Variants in GRM7 observed in about 807,000 individuals in gnomAD.
The protein encoded by GRM7 is metabotropic glutamate receptor 7.
Under a neutral mutation model 84.5 loss-of-function variants are expected in GRM7, and 35 were observed. That is an observed-to-expected ratio of 0.41 (90% confidence interval 0.32 to 0.55). The LOEUF (loss-of-function observed/expected upper bound fraction) is 0.55, where lower values mean the gene tolerates loss of function less well. Ranked by LOEUF, GRM7 falls within the 20% of genes least tolerant of loss-of-function variation. GRM7 has a pLI of 0.19. For missense variants in GRM7, 1,003 were observed against 1,194.6 expected (o/e 0.84, Z 2.36); for synonymous variants, 487 against 455.1 (o/e 1.07, Z -0.89).
chr3:7,581,658 T>C (rs1279478496), intron 8 of GRM7, among the ~76,000 whole-genome samples: 1 of 152,164 alleles, frequency 6.6e-6, no homozygotes, highest in East Asian at 1.9e-4. Flanking sequence ...TTCATTTTTG[T>C]TTAGCTCTAA....
chr3:6,987,034 T>C (rs1016935633), intron 1 of GRM7, among the ~76,000 whole-genome samples: 4 of 152,246 alleles, frequency 2.6e-5, no homozygotes, highest in Non-Finnish European at 5.9e-5. Context: ...ACAGTAGTTC[T>C]ACCTACTGCT....
intron 1 of GRM7, among the ~76,000 whole-genome samples, chr3:7,046,104 T>A (rs567835752): frequency 6.6e-6 from 1 of 152,288 alleles, no homozygotes; most frequent in Non-Finnish European, 1.5e-5. Flanking sequence ...TTGGGTTGAC[T>A]TTCCCTGATA....
intron 8 of GRM7, among the ~76,000 whole-genome samples, chr3:7,669,833 A>G (rs1699849608): frequency 6.6e-6 from 1 of 152,244 alleles, no homozygotes. Context: ...CAGGATGGGC[A>G]TCATTTTCCT....
At chr3:7,183,430 C>T (rs1456582190) in intron 2 of GRM7, among the ~76,000 whole-genome samples, 1 of 151,994 alleles carries the variant, frequency 6.6e-6, no homozygotes, top group Admixed American at 6.6e-5. Flanking sequence ...AGTTCAAGAC[C>T]AGCCGGGCTA....
At chr3:7,470,339 A>G (rs1157370016) in intron 7 of GRM7, among the ~76,000 whole-genome samples, 2 of 152,244 alleles carry the variant, frequency 1.3e-5, no homozygotes, top group East Asian at 3.8e-4. Flanking sequence ...TACTTTCTTA[A>G]AAGGGTTGAT....
At chr3:7,246,908 C>G (rs1472848361) in intron 2 of GRM7, among the ~76,000 whole-genome samples, 2 of 152,028 alleles carry the variant, frequency 1.3e-5, no homozygotes, top group African/African-American at 4.8e-5. Flanking sequence ...TACTAGATTT[C>G]AAAACTTAAC....
chr3:7,258,527 C>A (rs1036861560), intron 2 of GRM7, among the ~76,000 whole-genome samples: 5 of 152,170 alleles, frequency 3.3e-5, no homozygotes, highest in Admixed American at 3.3e-4. Context: ...TAGCCACAGA[C>A]AAATGGTTTC....
intron 1 of GRM7, among the ~76,000 whole-genome samples, chr3:6,970,838 C>T (rs926502536): frequency 1.3e-5 from 2 of 151,986 alleles, no homozygotes; most frequent in South Asian, 2.1e-4. Context: ...AAAAATTAGC[C>T]GGGCGTGGTG....
At chr3:7,603,056 A>G (rs1055355622) in intron 8 of GRM7, among the ~76,000 whole-genome samples, 1 of 152,262 alleles carries the variant, frequency 6.6e-6, no homozygotes, top group South Asian at 2.1e-4. Flanking sequence ...TTTCCTACAA[A>G]TATGTAATGT....
intron 8 of GRM7, among the ~76,000 whole-genome samples, chr3:7,641,411 A>C (rs999801860): frequency 6.6e-6 from 1 of 152,212 alleles, no homozygotes; most frequent in Non-Finnish European, 1.5e-5. Flanking sequence ...ACAGGTGAAG[A>C]ATAAAACCAT....
intron 1 of GRM7, among the ~76,000 whole-genome samples, chr3:6,914,697 G>A (rs975946887): frequency 2.6e-5 from 4 of 151,952 alleles, no homozygotes; most frequent in African/African-American, 4.8e-5. Flanking sequence ...CACCGTGCCC[G>A]GCCCTATTTT....
At chr3:7,403,271 A>G (rs1195582410) in intron 4 of GRM7, 2 of 221,144 alleles carry the variant, frequency 9.0e-6, no homozygotes, top group East Asian at 1.4e-4. Context: ...TTATATACAC[A>G]TGAAAGTGAT....
intron 4 of GRM7, among the ~76,000 whole-genome samples, chr3:7,330,463 G>A (rs1014126204): frequency 2.0e-5 from 3 of 151,948 alleles, no homozygotes; most frequent in Non-Finnish European, 4.4e-5. Context: ...AATGTGGTTC[G>A]GCTCTGTTCC....
intron 1 of GRM7, among the ~76,000 whole-genome samples, chr3:7,140,691 A>G (rs772270726): frequency 3.9e-5 from 6 of 152,066 alleles, no homozygotes; most frequent in Non-Finnish European, 8.8e-5. Context: ...GTTATTGTTC[A>G]TAGAATAGCT....
rs187291418 is a variant in GRM7 at position 7,299,342 on chromosome 3, G to A, written c.878+517G>A. ...TTTTTCCTGGTTCCTTGTATTGTTG[G>A]CCAAGCCACATAGAAACAAGCTTTG... is the stretch of plus-strand genomic sequence containing the variant. On this transcript the variant is annotated intron_variant, in intron 3 of 9. Coordinates refer to ENST00000357716, the MANE Select transcript of GRM7 (RefSeq NM_000844.4). Among the ~76,000 whole-genome samples, 357 of 152,144 alleles carry A rather than the reference G, an allele frequency of 2.3e-3. 2 individuals carry two copies. The highest frequency in any genetic ancestry group is 8.3e-3 in the African/African-American group (343 of 41,526).
At chr3:6,971,776 A>G (rs1154352) in intron 1 of GRM7, among the ~76,000 whole-genome samples, 99,303 of 151,968 alleles carry the variant, frequency 0.65, 32,857 homozygotes, top group South Asian at 0.9. Context: ...GTGGGTTAAG[A>G]AATTCCTTAT....
intron 1 of GRM7, among the ~76,000 whole-genome samples, chr3:6,965,409 C>G (rs1336677545): frequency 1.6e-4 from 24 of 152,070 alleles, no homozygotes; most frequent in Non-Finnish European, 8.8e-5. Context: ...CCTCAACCTC[C>G]CAGGCTCAAG....
chr3:7,372,562 A>G (rs1307552336), intron 4 of GRM7, among the ~76,000 whole-genome samples: 1 of 152,168 alleles, frequency 6.6e-6, no homozygotes, highest in Non-Finnish European at 1.5e-5. Flanking sequence ...ACCACAGTTT[A>G]GACACTGTGA....
At chr3:7,608,002 C>T (rs1218301444) in intron 8 of GRM7, 3 of 306,946 alleles carry the variant, frequency 9.8e-6, no homozygotes, top group Non-Finnish European at 2.0e-5. Flanking sequence ...TCTGTTTCAG[C>T]ATCAGTTTGC....
Sources: gnomAD v4.1 joint callset for allele counts (sites outside exome capture counted in the v4.1 genomes callset) on GRCh38, gnomAD v4.1.1 for gene constraint, MANE v1.5 for transcripts, NCBI Gene and HGNC (gene_info 2026-07-23, HGNC 2026-07-21) for gene names.